TMEM131: variants seen among roughly 807,000 people sequenced by gnomAD.
The protein encoded by TMEM131 is transmembrane protein 131.
Under a neutral mutation model 211.6 loss-of-function variants are expected in TMEM131, and 66 were observed. The ratio of observed to expected loss-of-function variants is 0.31; its 90% confidence interval spans 0.26 to 0.38. The LOEUF is 0.38. Among genes scored for constraint, TMEM131 ranks in the 10% least tolerant of loss-of-function variants. The probability of loss-of-function intolerance (pLI) is 1.00; values close to 1 mark genes in which losing one functional copy is unlikely to be tolerated. For missense variants in TMEM131, 2,036 were observed against 2,299.3 expected, an observed-to-expected ratio of 0.89 and a Z score of 2.34; for synonymous variants, 844 against 841.3, an observed-to-expected ratio of 1.00 and a Z score of -0.06.
chr2:97,759,027 G>C lies in TMEM131; in HGVS notation c.5233C>G (p.Arg1745Gly). 6.2e-7 allele frequency: 1 copy of C among 1,614,044 alleles called. No individual in the cohort carries two copies. Among genetic ancestry groups the C allele is most frequent in the Non-Finnish European group, 8.5e-7 (1 of 1,179,892 alleles). The change falls in exon 40 of 41, where the codon CGA (arginine) becomes GGA (glycine). Residue 1745 changes from arginine to glycine, a missense_variant. By Grantham distance (125) the Arg-to-Gly change is moderately radical. Transcript: ENST00000186436. ...CTCTGTGAGGCCTGATTGCACGATCGAGATAATCCGAGTTTGCTGAAAACT... is the reference window on the plus strand; with the variant it reads ...CTCTGTGAGGCCTGATTGCACGATCCAGATAATCCGAGTTTGCTGAAAACT... The part of the protein sequence containing the change: ...GEVFSKLGLS[R>G]SCNQASQRSW...
At chr2:97,847,861 G>A (rs1683522968) in intron 5 of TMEM131, among the ~76,000 whole-genome samples, 1 of 151,932 alleles carries the variant, frequency 6.6e-6, no homozygotes, top group South Asian at 2.1e-4. Flanking sequence ...TTACTTTTCT[G>A]TACATCTTTA....
At chr2:97,835,499 T>C (rs958321950) in intron 8 of TMEM131, among the ~76,000 whole-genome samples, 7 of 152,224 alleles carry the variant, frequency 4.6e-5, no homozygotes, top group Non-Finnish European at 1.5e-5. Context: ...AGAACATTTA[T>C]ATACTAAAAG....
chr2:97,964,573 A>G (rs1678962141), intron 1 of TMEM131, among the ~76,000 whole-genome samples: 1 of 152,230 alleles, frequency 6.6e-6, no homozygotes, highest in Non-Finnish European at 1.5e-5. Context: ...CATTTGAAAT[A>G]TACGTCCTTG....
At chr2:97,854,791 G>A (rs950411149) in intron 5 of TMEM131, among the ~76,000 whole-genome samples, 2 of 152,028 alleles carry the variant, frequency 1.3e-5, no homozygotes, top group African/African-American at 4.8e-5. Flanking sequence ...GGTCCTTCCG[G>A]CTAGAATGCT....
rs559526785 is a variant in TMEM131, at chr2:97,949,804, A to T, written c.188-22317T>A. ...CACCGCACTCCAGCCTGGGCGACAG[A>T]GTGAGACTGTCTCAAAAAAAAAAAA... On this transcript the variant is annotated intron_variant, in intron 1 of 40. Coordinates refer to ENST00000186436, the MANE Select transcript of TMEM131 (RefSeq NM_015348.2). Among the ~76,000 whole-genome samples the T allele has an allele frequency of 7.0e-3, 824 of 117,920 alleles. 2 individuals carry two copies. Among genetic ancestry groups the T allele is most frequent in the Middle Eastern group, 0.011 (2 of 184 alleles). The allele number at this position is 117,920 out of a possible 152,430, so 77.4% of individuals were successfully genotyped here.
intron 12 of TMEM131, among the ~76,000 whole-genome samples, chr2:97,815,865 C>T (rs554918048): frequency 6.6e-6 from 1 of 152,232 alleles, no homozygotes; most frequent in East Asian, 1.9e-4. Flanking sequence ...CTTGTATGGC[C>T]AAAGTCTTGC....
intron 1 of TMEM131, among the ~76,000 whole-genome samples, chr2:97,986,895 T>C (rs1680050483): frequency 6.6e-6 from 1 of 152,212 alleles, no homozygotes; most frequent in South Asian, 2.1e-4. Context: ...ACATAAACTA[T>C]CTCAAAGATC....
chr2:97,797,750 A>G (rs1468830057), intron 25 of TMEM131, among the ~76,000 whole-genome samples: 1 of 152,280 alleles, frequency 6.6e-6, no homozygotes, highest in Non-Finnish European at 1.5e-5. Context: ...AGGTCACCAA[A>G]TAAAGTCCTC....
chr2:97,944,954 T>G (rs980170003), intron 1 of TMEM131, among the ~76,000 whole-genome samples: 2 of 152,198 alleles, frequency 1.3e-5, no homozygotes, highest in African/African-American at 4.8e-5. Flanking sequence ...AATTATACTC[T>G]TATGTATATA....
chr2:97,800,595 C>CAAAAAAAAAAAAAAAAAAA (rs3064071), intron 25 of TMEM131, among the ~76,000 whole-genome samples: 11 of 123,098 alleles, frequency 8.9e-5, no homozygotes, highest in African/African-American at 1.4e-4. Flanking sequence ...ACTAAAAATA[C>CAAAAAAAAAAAAAAAAAAA]AAAAAAAAAA....
At chr2:97,972,264 G>A (rs1463217174) in intron 1 of TMEM131, among the ~76,000 whole-genome samples, 1 of 152,042 alleles carries the variant, frequency 6.6e-6, no homozygotes, top group East Asian at 1.9e-4. Context: ...GCTCAGGAGG[G>A]CCTTACCTCA....
chr2:97,989,004 C>G (rs549246150), intron 1 of TMEM131, among the ~76,000 whole-genome samples: 5 of 152,242 alleles, frequency 3.3e-5, no homozygotes, highest in African/African-American at 1.2e-4. Context: ...AGGAGCAAGC[C>G]TAGTGTCCAC....
chr2:97,902,845 A>G (rs1277560658), intron 3 of TMEM131, among the ~76,000 whole-genome samples: 1 of 152,178 alleles, frequency 6.6e-6, no homozygotes, highest in Non-Finnish European at 1.5e-5. Context: ...AGATGGGCCT[A>G]GCCTCCAAGC....
chr2:97,812,495 C>T lies in TMEM131; in HGVS notation c.1789G>A (p.Glu597Lys). ...DGLSIELVAVERGNRTTIISS... is the reference protein window; with the variant it reads ...DGLSIELVAVKRGNRTTIISS... ...ATTATTGTAGTTCTATTGCCTCTTT[C>T]CACAGCTACAAGTTCTATTGATAAA... Residue 597 changes from glutamate (E) to lysine (K), a missense_variant, in exon 17 of 41, where the codon GAA becomes AAA. Glu to Lys is a moderately conservative substitution (Grantham distance 56). Around this residue, in one of 3 missense-constraint regions of TMEM131, gnomAD observed 1,623 missense variants for 1,805.9 expected, o/e 0.90. Transcript: ENST00000186436. 1 of 1,613,030 alleles carries T rather than the reference C, an allele frequency of 6.2e-7. No homozygotes were observed. Among genetic ancestry groups the T allele is most frequent in the Non-Finnish European group, 8.5e-7 (1 of 1,179,506 alleles).
At chr2:97,845,469 A>G (rs941357099) in intron 5 of TMEM131, among the ~76,000 whole-genome samples, 2 of 152,166 alleles carry the variant, frequency 1.3e-5, no homozygotes, top group Non-Finnish European at 2.9e-5. Context: ...AAATTCAACA[A>G]CATACTTCTA....
chr2:97,922,572 A>G (rs549320500), intron 2 of TMEM131, among the ~76,000 whole-genome samples: 117 of 152,246 alleles, frequency 7.7e-4, no homozygotes, highest in African/African-American at 2.8e-3. Context: ...CTCAACACAT[A>G]ATGCTGTGAA....
At chr2:97,927,597 C>A (rs1677045785) in intron 1 of TMEM131, 110 bp from the exon 2 acceptor site, 2 of 775,756 alleles carry the variant, frequency 2.6e-6, no homozygotes, top group African/African-American at 1.8e-5. Flanking sequence ...AAATGGACTG[C>A]TTAATGGTGA....
chr2:97,907,580 G>T (rs1474461358), intron 3 of TMEM131, among the ~76,000 whole-genome samples: 1 of 152,194 alleles, frequency 6.6e-6, no homozygotes, highest in Non-Finnish European at 1.5e-5. Context: ...AGTGATGACA[G>T]CAAGGGTGGG....
intron 6 of TMEM131, among the ~76,000 whole-genome samples, chr2:97,842,941 C>T (rs778752459): frequency 1.3e-5 from 2 of 152,130 alleles, no homozygotes; most frequent in South Asian, 4.1e-4. Flanking sequence ...ACTAAGCAAC[C>T]GCTAAAGATT....
Sources: gnomAD v4.1 joint callset for allele counts (sites outside exome capture counted in the v4.1 genomes callset) on GRCh38, gnomAD v4.1.1 for gene constraint, gnomAD v4.1.1 regional missense constraint, MANE v1.5 for transcripts, NCBI Gene and HGNC (gene_info 2026-07-23, HGNC 2026-07-21) for gene names.